Variants in ZFPM2 observed in about 807,000 individuals in gnomAD.
ZFPM2 encodes zinc finger protein ZFPM2.
A neutral mutation model predicts 98.6 loss-of-function variants in ZFPM2; 20 were observed. The ratio of observed to expected loss-of-function variants is 0.20; its 90% confidence interval spans 0.14 to 0.29. ZFPM2 has a LOEUF of 0.29. Among genes scored for constraint, ZFPM2 ranks in the 10% least tolerant of loss-of-function variants. ZFPM2 has a pLI of 1.00. For missense variants in ZFPM2, 1,310 were observed against 1,388.6 expected, an observed-to-expected ratio of 0.94 and a Z score of 0.90; for synonymous variants, 518 against 502.7, an observed-to-expected ratio of 1.03 and a Z score of -0.41.
At chr8:105,614,313 A>T (rs1816368918) in intron 4 of ZFPM2, among the ~76,000 whole-genome samples, 1 of 152,060 alleles carries the variant, frequency 6.6e-6, no homozygotes, top group Admixed American at 6.6e-5. Context: ...TGACTCATTT[A>T]TGTGGAGTTT....
At chr8:105,625,899 T>C (rs1816643807) in intron 4 of ZFPM2, among the ~76,000 whole-genome samples, 1 of 151,260 alleles carries the variant, frequency 6.6e-6, no homozygotes, top group Non-Finnish European at 1.5e-5. Context: ...ACATCAATAA[T>C]GTTGACCCTA....
intron 3 of ZFPM2, among the ~76,000 whole-genome samples, chr8:105,457,869 TAC>T (rs753068626): frequency 7.9e-5 from 12 of 152,250 alleles, no homozygotes; most frequent in Non-Finnish European, 1.5e-4. Context: ...CGAGGGAAAA[TAC>T]AGTTTCCTGC....
At chr8:105,614,355 C>T (rs111623613) in intron 4 of ZFPM2, among the ~76,000 whole-genome samples, 7 of 152,012 alleles carry the variant, frequency 4.6e-5, no homozygotes, top group African/African-American at 1.7e-4. Flanking sequence ...AATACTGATT[C>T]ATCAGTTATG....
chr8:105,394,241 A>G (rs771174831), intron 1 of ZFPM2, among the ~76,000 whole-genome samples: 74 of 152,254 alleles, frequency 4.9e-4, no homozygotes, highest in Non-Finnish European at 8.2e-4. Context: ...ATGCTCCTGC[A>G]AGTGGGGAGT....
chr8:105,535,773 T>C (rs907686327), intron 3 of ZFPM2, among the ~76,000 whole-genome samples: 9 of 152,182 alleles, frequency 5.9e-5, no homozygotes, highest in African/African-American at 2.2e-4. Flanking sequence ...ATTAGAGTCA[T>C]TCATAAGCAT....
chr8:105,695,547 T>C (rs1810999435), intron 5 of ZFPM2, among the ~76,000 whole-genome samples: 1 of 152,132 alleles, frequency 6.6e-6, no homozygotes, highest in South Asian at 2.1e-4. Flanking sequence ...GGGTTACATC[T>C]GGATGATTAT....
chr8:105,370,116 C>A (rs1375267017), intron 1 of ZFPM2, among the ~76,000 whole-genome samples: 1 of 152,024 alleles, frequency 6.6e-6, no homozygotes, highest in East Asian at 1.9e-4. Flanking sequence ...CACTAGGAAA[C>A]CACTGAGAAA....
In ZFPM2 at chr8:105,607,108, T is replaced by C. The variant is rs1816212415; in HGVS notation, c.421-27138T>C. Among the ~76,000 whole-genome samples the C allele has an allele frequency of 1.3e-5, 2 of 152,166 alleles. 1 individual carries two copies. Among genetic ancestry groups the C allele is most frequent in the South Asian group, 4.1e-4 (2 of 4,830 alleles). ...GGTCCCCTCAGATCTTCTCAAATTA[T>C]TTGATCCTCTCTCCTCTTCGGCCAT... On this transcript the variant is annotated intron_variant, in intron 4 of 7. Coordinates refer to ENST00000407775, the MANE Select transcript of ZFPM2 (RefSeq NM_012082.4).
At chr8:105,586,496 C>A (rs988255403) in intron 4 of ZFPM2, among the ~76,000 whole-genome samples, 15 of 152,202 alleles carry the variant, frequency 9.9e-5, no homozygotes, top group African/African-American at 3.6e-4. Flanking sequence ...AATCTTGGCT[C>A]ACTGCAACCT....
chr8:105,488,267 C>T (rs903197015), intron 3 of ZFPM2, among the ~76,000 whole-genome samples: 7 of 152,066 alleles, frequency 4.6e-5, no homozygotes, highest in Non-Finnish European at 7.4e-5. Context: ...ATAAGCAATC[C>T]GTGATGTATT....
chr8:105,433,460 G>T (rs1239566658), intron 2 of ZFPM2, among the ~76,000 whole-genome samples: 1 of 152,120 alleles, frequency 6.6e-6, no homozygotes, highest in Non-Finnish European at 1.5e-5. Context: ...TAGCTATGAT[G>T]AAACACTACA....
chr8:105,786,825 T>C (rs1311445581), intron 5 of ZFPM2, among the ~76,000 whole-genome samples: 1 of 152,234 alleles, frequency 6.6e-6, no homozygotes, highest in Admixed American at 6.5e-5. Context: ...GGGCATCTTC[T>C]CTAAAACCTC....
At chr8:105,382,903 C>T (rs538759213) in intron 1 of ZFPM2, among the ~76,000 whole-genome samples, 91 of 151,958 alleles carry the variant, frequency 6.0e-4, no homozygotes, top group African/African-American at 2.2e-3. Flanking sequence ...ACGAGTGGAA[C>T]ATTAAAGGTG....
rs145930442 is a variant in ZFPM2, at chr8:105,364,599, T to C, written c.40+45618T>C. Among the ~76,000 whole-genome samples, 753 of 151,314 alleles carry C rather than the reference T, an allele frequency of 5.0e-3. 6 individuals are homozygous for C. The highest frequency in any genetic ancestry group is 0.017 in the African/African-American group (698 of 41,206). ...ACCTCCAAACTTTTTTATAATCAAA[T>C]GTAGAGATTGTGTCTGTCTTGATAA... On this transcript the variant is annotated intron_variant, in intron 1 of 7. Coordinates refer to ENST00000407775, the MANE Select transcript of ZFPM2 (RefSeq NM_012082.4).
chr8:105,427,025 C>T (rs73302142), intron 2 of ZFPM2, among the ~76,000 whole-genome samples: 1 of 152,064 alleles, frequency 6.6e-6, no homozygotes, highest in Non-Finnish European at 1.5e-5. Context: ...ACCTTATGAC[C>T]TTGTGGCATC....
At chr8:105,699,210 TGGA>T (rs933618554) in intron 5 of ZFPM2, among the ~76,000 whole-genome samples, 1 of 152,158 alleles carries the variant, frequency 6.6e-6, no homozygotes, top group African/African-American at 2.4e-5. Context: ...TTGTAATAAA[TGGA>T]GGGTAATATT....
intron 1 of ZFPM2, among the ~76,000 whole-genome samples, chr8:105,389,205 G>C (rs999522837): frequency 6.6e-6 from 1 of 152,086 alleles, no homozygotes; most frequent in Admixed American, 6.6e-5. Flanking sequence ...ACTCAGACAT[G>C]TCTAGTAAAC....
chr8:105,700,422 A>G (rs1811115795), intron 5 of ZFPM2, among the ~76,000 whole-genome samples: 1 of 152,194 alleles, frequency 6.6e-6, no homozygotes, highest in African/African-American at 2.4e-5. Flanking sequence ...TTGCCTGGTT[A>G]TTTGATTAAT....
intron 5 of ZFPM2, among the ~76,000 whole-genome samples, chr8:105,782,917 T>A (rs1394400007): frequency 6.6e-6 from 1 of 152,066 alleles, no homozygotes; most frequent in Non-Finnish European, 1.5e-5. Flanking sequence ...ATGTTTAGAT[T>A]CCTTAAATTT....
Sources: allele counts gnomAD v4.1 joint callset (sites outside exome capture counted in the v4.1 genomes callset), GRCh38; gene constraint gnomAD v4.1.1; transcripts MANE v1.5; gene names NCBI Gene and HGNC (gene_info 2026-07-23, HGNC 2026-07-21).